Variants in LHPP observed in about 807,000 individuals in gnomAD.
LHPP encodes phospholysine phosphohistidine inorganic pyrophosphate phosphatase, also known as hLHPP.
In LHPP, 24 loss-of-function variants were observed where a neutral mutation model predicts 30.3. The observed-to-expected ratio is 0.79, with a 90% CI of 0.57 to 1.11. The LOEUF is 1.11. Among genes scored for constraint, LHPP ranks in the 50% most tolerant of loss-of-function variants. The pLI is 0.00. For synonymous variants in LHPP, 150 were observed against 157.1 expected (o/e 0.95, Z 0.34); for missense variants, 356 against 367.2 (o/e 0.97, Z 0.25).
chr10:124,534,067 C>T (rs1589838075), intron 6 of LHPP, among the ~76,000 whole-genome samples: 1 of 152,010 alleles, frequency 6.6e-6, no homozygotes, highest in East Asian at 1.9e-4. Flanking sequence ...GGGTGGGGAG[C>T]TTGGGGGCAG....
rs573592085 is a variant in LHPP, at chr10:124,576,661, C to T, written c.717-36603C>T. Among the ~76,000 whole-genome samples the T allele has an allele frequency of 2.3e-3, 344 of 152,208 alleles. 1 individual carries two copies. The highest frequency in any genetic ancestry group is 8.0e-3 in the African/African-American group (331 of 41,518). Reference sequence around the variant, plus strand: ...GGGATACAGAGGTCTCCTCACTGCACACACAAAACTCCTTCCCTGAGCGAG... The same window carrying T: ...GGGATACAGAGGTCTCCTCACTGCATACACAAAACTCCTTCCCTGAGCGAG... On this transcript the variant is annotated intron_variant, in intron 6 of 6. Coordinates refer to ENST00000368842, the MANE Select transcript of LHPP (RefSeq NM_022126.4). This position sits in a 1 kb window ranked among gnomAD's most constrained non-coding sequence, Gnocchi z 4.2.
intron 6 of LHPP, among the ~76,000 whole-genome samples, chr10:124,598,430 G>A (rs1239507616): frequency 6.6e-6 from 1 of 152,228 alleles, no homozygotes; most frequent in Non-Finnish European, 1.5e-5. Context: ...GTGGCACTGT[G>A]AGCCTGGTGG....
In LHPP at chr10:124,484,274, C is replaced by CT; in HGVS notation, c.262dup (p.Cys88LeufsTer17). On this transcript the variant is annotated frameshift_variant, in exon 2 of 7. Transcript: ENST00000368842. LOFTEE classifies it high-confidence loss of function. Reference sequence around the variant, plus strand: ...AGGTGACCGCCCCGGCACCAGCTGCCTGCCAGATCCTGAAGGAGCAAGGCC... The same window carrying CT: ...AGGTGACCGCCCCGGCACCAGCTGCCTTGCCAGATCCTGAAGGAGCAAGGCC... 4.3e-6 allele frequency: 7 copies of CT among 1,614,006 alleles called. No individual in the cohort carries two copies. The highest frequency in any genetic ancestry group is 5.9e-6 in the Non-Finnish European group (7 of 1,179,982).
At chr10:124,558,440 C>T (rs113955340) in intron 6 of LHPP, among the ~76,000 whole-genome samples, 1 of 152,378 alleles carries the variant, frequency 6.6e-6, no homozygotes, top group East Asian at 1.9e-4. Flanking sequence ...CGGCAAGGGG[C>T]TCTGAGTCTG....
At position 124,590,396 on chromosome 10, in the gene LHPP, CAAG is replaced by C. The variant is rs1228442319; in HGVS notation, c.717-22863_717-22861del. On this transcript the variant is annotated intron_variant, in intron 6 of 6. Transcript: ENST00000368842. This position sits in a 1 kb window ranked among gnomAD's most constrained non-coding sequence, Gnocchi z 4.3. ...TGAAGGCGCCTCTCATCCTCTGAGC[CAAG>C]AAGACTTCTGACCCAGAATTCTGAG... 6.6e-6 allele frequency among the ~76,000 whole-genome samples: 1 copy of C among 152,176 alleles called. No homozygotes were observed. Among genetic ancestry groups the C allele is most frequent in the Non-Finnish European group, 1.5e-5 (1 of 68,038 alleles).
At chr10:124,563,308 T>TCTCTTA (rs34347060) in intron 6 of LHPP, among the ~76,000 whole-genome samples, 2 of 145,724 alleles carry the variant, frequency 1.4e-5, no homozygotes, top group African/African-American at 2.5e-5. Flanking sequence ...TCTCTCTCTC[T>TCTCTTA]TTTTCTTTTT....
chr10:124,585,515 T>C (rs1490347668), intron 6 of LHPP, among the ~76,000 whole-genome samples: 1 of 151,084 alleles, frequency 6.6e-6, no homozygotes, highest in East Asian at 2.0e-4. Context: ...CTCAGGAGGC[T>C]GAGGCAGGAG....
At chr10:124,550,205 C>T (rs763858456) in intron 6 of LHPP, among the ~76,000 whole-genome samples, 8 of 152,224 alleles carry the variant, frequency 5.3e-5, no homozygotes, top group Admixed American at 2.6e-4. Flanking sequence ...GGTAAGCTGC[C>T]GGCACAGTCA....
intron 6 of LHPP, among the ~76,000 whole-genome samples, chr10:124,575,218 C>T (rs1448255191): frequency 1.3e-5 from 2 of 152,070 alleles, no homozygotes; most frequent in African/African-American, 4.8e-5. Flanking sequence ...GTTCATGTCA[C>T]CAGTCATGAA....
intron 6 of LHPP, among the ~76,000 whole-genome samples, chr10:124,588,646 T>C (rs1219744615): frequency 6.6e-6 from 1 of 152,192 alleles, no homozygotes; most frequent in Non-Finnish European, 1.5e-5. Context: ...TGATGGATCC[T>C]GGCTCCTCAG....
intron 3 of LHPP, chr10:124,493,707 C>G (rs1005168665): frequency 6.6e-6 from 1 of 152,190 alleles, no homozygotes; most frequent in East Asian, 1.9e-4. Context: ...CGGGCTTCCC[C>G]CTTTCTTTCC....
At chr10:124,583,795 A>T (rs528361220) in intron 6 of LHPP, among the ~76,000 whole-genome samples, 1 of 152,320 alleles carries the variant, frequency 6.6e-6, no homozygotes, top group Admixed American at 6.5e-5. Flanking sequence ...AGCATGGAGG[A>T]TTACAATTCA....
intron 5 of LHPP, 169 bp downstream of exon 5, chr10:124,498,297 C>G (rs755689860): frequency 7.6e-6 from 12 of 1,576,816 alleles, no homozygotes; most frequent in Non-Finnish European, 1.0e-5. Flanking sequence ...AGACAGCAAA[C>G]GAAATCCACT....
rs535041199 is a variant in LHPP, at chr10:124,572,489, G to T, written c.717-40775G>T. 4.6e-5 allele frequency among the ~76,000 whole-genome samples: 7 copies of T among 152,140 alleles called. No homozygotes were observed. In the East Asian group the frequency reaches 1.4e-3, roughly 29 times the overall value. ...ATACTAAAGATACAAACATTAGCTGGGCGTGGTGGTGGGTGCCTGTAATCC... is the reference window on the plus strand; with the variant it reads ...ATACTAAAGATACAAACATTAGCTGTGCGTGGTGGTGGGTGCCTGTAATCC... On this transcript the variant is annotated intron_variant, in intron 6 of 6. Transcript: ENST00000368842.
intron 6 of LHPP, among the ~76,000 whole-genome samples, chr10:124,582,240 T>C (rs967045986): frequency 6.6e-6 from 1 of 152,158 alleles, no homozygotes; most frequent in African/African-American, 2.4e-5. Flanking sequence ...ACCACCATTC[T>C]TGGTGAATTT....
chr10:124,481,368 G>GCC (rs768586976), intron 1 of LHPP, among the ~76,000 whole-genome samples: 73 of 124,156 alleles, frequency 5.9e-4, no homozygotes, highest in African/African-American at 1.2e-3. Flanking sequence ...TGGCTTATCT[G>GCC]CCCCCTTTTT....
intron 6 of LHPP, among the ~76,000 whole-genome samples, chr10:124,544,556 C>T (rs1955284963): frequency 6.6e-6 from 1 of 152,084 alleles, no homozygotes; most frequent in Admixed American, 6.5e-5. Context: ...TATTCACCAC[C>T]AGACCCGAAT....
At chr10:124,552,414 A>G (rs966843429) in intron 6 of LHPP, among the ~76,000 whole-genome samples, 6 of 151,884 alleles carry the variant, frequency 4.0e-5, no homozygotes, top group East Asian at 3.9e-4. Context: ...CCTCCTGTCT[A>G]TACTGGAATC....
chr10:124,498,363 TG>T, intron 5 of LHPP: 1 of 1,562,584 alleles, frequency 6.4e-7, no homozygotes, highest in Non-Finnish European at 8.7e-7. Context: ...CAGAAATGCC[TG>T]CGGCTTTTCC....
Sources: allele counts gnomAD v4.1 joint callset (sites outside exome capture counted in the v4.1 genomes callset), GRCh38; gene constraint gnomAD v4.1.1; non-coding constraint Gnocchi (gnomAD v3.1); transcripts MANE v1.5; gene names NCBI Gene and HGNC (gene_info 2026-07-23, HGNC 2026-07-21).